The following MDN1 variants were observed in gnomAD, a reference collection of about 807,000 sequenced individuals.
MDN1 encodes the protein midasin.
In MDN1, 266 loss-of-function variants were observed where a neutral mutation model predicts 669.2. The ratio of observed to expected loss-of-function variants is 0.40; its 90% CI spans 0.36 to 0.44. The LOEUF (loss-of-function observed/expected upper bound fraction) is 0.44. Ranked by LOEUF, MDN1 falls within the 20% of genes least tolerant of loss-of-function variation. The pLI is 1.00. For synonymous variants in MDN1, 2,385 were observed against 2,457.1 expected, an observed-to-expected ratio of 0.97 and a Z score of 0.87; for missense variants, 5,940 against 6,754.0, an observed-to-expected ratio of 0.88 and a Z score of 4.22.
intron 35 of MDN1, among the ~76,000 whole-genome samples, chr6:89,730,203 T>G (rs548314881): frequency 6.6e-6 from 1 of 152,338 alleles, no homozygotes; most frequent in Non-Finnish European, 1.5e-5. Context: ...CCTAGACTAC[T>G]GCATTTCCCA....
rs143844082 is a variant in MDN1, at chr6:89,778,314, A to G, written c.1726-1619T>C. On this transcript the variant is annotated intron_variant, in intron 11 of 101. Coordinates refer to ENST00000369393, the MANE Select transcript of MDN1 (RefSeq NM_014611.3). ...TCATCTTTTCTATTGTTTTTTAACA[A>G]GAAGAATCTAGTCCTTTTAAAATTA... Among the ~76,000 whole-genome samples the G allele has an allele frequency of 4.1e-3, 622 of 152,220 alleles. 4 individuals are homozygous for G. Among genetic ancestry groups the G allele is most frequent in the African/African-American group, 0.013 (548 of 41,554 alleles).
In MDN1 at chr6:89,648,262, A is replaced by G. The variant is rs772564941; in HGVS notation, c.16274T>C (p.Val5425Ala). Residue 5425 changes from valine to alanine, a missense_variant, in exon 98 of 102, where the codon GTG becomes GCG. Val to Ala is a moderately conservative substitution (Grantham distance 64). Transcript: ENST00000369393. Reference protein sequence around the residue: ...LTLLEVGQIAVCSFGESVKLL... With the variant: ...LTLLEVGQIAACSFGESVKLL... ...AATTACAAAGCAACCTTACCTACACACTGCAATCTGACCCACTTCCAGGAG... is the reference window on the plus strand; with the variant it reads ...AATTACAAAGCAACCTTACCTACACGCTGCAATCTGACCCACTTCCAGGAG... The G allele has an allele frequency of 4.6e-5, 74 of 1,613,934 alleles. No individual in the cohort carries two copies. Among genetic ancestry groups the G allele is most frequent in the Non-Finnish European group, 4.2e-6 (5 of 1,179,926 alleles).
At chr6:89,726,480 T>TAGAAAAAAAAAAAAAAAAA (rs1815244660) in intron 37 of MDN1, among the ~76,000 whole-genome samples, 1 of 65,860 alleles carries the variant, frequency 1.5e-5, no homozygotes, top group Non-Finnish European at 3.2e-5. Flanking sequence ...AAAAGAAAAA[T>TAGAAAAAAAAAAAAAAAAA]AGAAAAAAAA....
chr6:89,784,424 G>A (rs1818848300), intron 9 of MDN1, among the ~76,000 whole-genome samples: 2 of 152,306 alleles, frequency 1.3e-5, no homozygotes, highest in African/African-American at 4.8e-5. Context: ...ATGTCTGAAT[G>A]ACCACTGACA....
chr6:89,656,020 C>T (rs1809260969), intron 91 of MDN1, 52 bp from the exon 92 acceptor site: 2 of 1,525,042 alleles, frequency 1.3e-6, no homozygotes, highest in South Asian at 2.3e-5. Context: ...GACAAAAGGA[C>T]TCAAAGTAAA....
At chr6:89,793,988 C>A (rs1210687252) in intron 4 of MDN1, 34 bp from the exon 5 acceptor site, 3 of 1,554,918 alleles carry the variant, frequency 1.9e-6, no homozygotes, top group Non-Finnish European at 8.8e-7. Context: ...AATTACCTTA[C>A]CACTCAGAAA....
chr6:89,671,609 A>T (rs6454768), intron 82 of MDN1, among the ~76,000 whole-genome samples: 2 of 152,044 alleles, frequency 1.3e-5, no homozygotes, highest in Non-Finnish European at 2.9e-5. Context: ...ACCTGAGCCC[A>T]GGAGGTCAAG....
At chr6:89,812,342 T>C (rs1489069424) in intron 1 of MDN1, among the ~76,000 whole-genome samples, 2 of 152,004 alleles carry the variant, frequency 1.3e-5, no homozygotes, top group Admixed American at 6.6e-5. Flanking sequence ...CCCAGCACTT[T>C]GGGAGGCCGA....
chr6:89,669,238 C>T (rs959816415), intron 83 of MDN1, among the ~76,000 whole-genome samples: 3 of 152,166 alleles, frequency 2.0e-5, no homozygotes, highest in African/African-American at 7.2e-5. Flanking sequence ...TCCAGCTGAG[C>T]CAAATCTCAA....
chr6:89,678,012 G>A (rs561255379), intron 75 of MDN1, among the ~76,000 whole-genome samples: 14 of 152,348 alleles, frequency 9.2e-5, no homozygotes, highest in African/African-American at 2.4e-4. Flanking sequence ...GGTGGCTCAC[G>A]CCTGTAATCC....
chr6:89,644,148 C>T lies in MDN1; in HGVS notation c.16648G>A (p.Glu5550Lys). The T allele has an allele frequency of 6.2e-7, 1 of 1,613,498 alleles. No homozygotes were observed. Among genetic ancestry groups the T allele is most frequent in the African/African-American group, 1.3e-5 (1 of 74,988 alleles). ...IKVPIFKGPGEMPEIRSYMEE... is the reference protein window; with the variant it reads ...IKVPIFKGPGKMPEIRSYMEE... ...ATGTAGGATCGGATTTCAGGCATCT[C>T]TCCAGGTCCTTTAAATATCGGTACT... The change falls in exon 102 of 102, where the codon GAG becomes AAG. Residue 5550 changes from glutamate (E) to lysine (K), a missense_variant. Coordinates refer to ENST00000369393, the MANE Select transcript of MDN1 (RefSeq NM_014611.3).
intron 12 of MDN1, 145 bp downstream of exon 12, chr6:89,776,455 C>T (rs1188554599): frequency 2.3e-5 from 14 of 601,472 alleles, no homozygotes; most frequent in Non-Finnish European, 3.5e-5. Flanking sequence ...TGTATGCCCA[C>T]GAGAGGCTGC....
chr6:89,694,981 C>A (rs1365618640), intron 61 of MDN1, among the ~76,000 whole-genome samples: 1 of 152,160 alleles, frequency 6.6e-6, no homozygotes, highest in Non-Finnish European at 1.5e-5. Flanking sequence ...TGCCTATAAT[C>A]CCAGCACTTT....
At chr6:89,732,810 A>G (rs1315904926) in intron 33 of MDN1, 35 bp from the exon 34 acceptor site, 1 of 1,597,308 alleles carries the variant, frequency 6.3e-7, no homozygotes. Flanking sequence ...ATTTGCTGTT[A>G]ACGGGAGATC....
intron 17 of MDN1, 60 bp downstream of exon 17, chr6:89,761,585 G>A: frequency 3.1e-6 from 4 of 1,275,690 alleles, no homozygotes; most frequent in Non-Finnish European, 4.4e-6. Context: ...TAACCTGCCT[G>A]AAACATTGTT....
chr6:89,679,842 G>A (rs1811474629), intron 74 of MDN1, among the ~76,000 whole-genome samples: 1 of 152,222 alleles, frequency 6.6e-6, no homozygotes, highest in African/African-American at 2.4e-5. Context: ...GAGGATGAGG[G>A]AGGCTTTGCA....
In MDN1 at chr6:89,770,654, A is replaced by G. The variant is rs1007195805; in HGVS notation, c.2144+907T>C. ...CTAGTAGCTGGGACTACAGCACACC[A>G]CCATGCCCAACTAATTTTCGTATTT... On this transcript the variant is annotated intron_variant, in intron 15 of 101. Transcript: ENST00000369393. Among the ~76,000 whole-genome samples, 4 of 152,076 alleles carry G rather than the reference A, an allele frequency of 2.6e-5. No individual in the cohort carries two copies. In the East Asian group the frequency reaches 7.8e-4, roughly 30 times the overall value.
intron 56 of MDN1, 126 bp from the exon 57 acceptor site, chr6:89,700,420 A>C: frequency 1.3e-6 from 1 of 799,564 alleles, no homozygotes; most frequent in Non-Finnish European, 2.0e-6. Context: ...CCTTAACCTA[A>C]GCTTTGAGAT....
intron 2 of MDN1, among the ~76,000 whole-genome samples, chr6:89,795,660 A>T (rs1293854679): frequency 6.6e-6 from 1 of 152,010 alleles, no homozygotes; most frequent in Admixed American, 6.6e-5. Flanking sequence ...TAAAATCAGA[A>T]ATAAAAGACA....
Sources: allele counts gnomAD v4.1 joint callset (sites outside exome capture counted in the v4.1 genomes callset), GRCh38; gene constraint gnomAD v4.1.1; transcripts MANE v1.5; gene names NCBI Gene and HGNC (gene_info 2026-07-23, HGNC 2026-07-21).